SHISA9: variants seen among roughly 807,000 people sequenced by gnomAD.
SHISA9 encodes shisa family member 9, also known as protein shisa-9.
SHISA9 carries 13 observed loss-of-function variants against 38.0 expected under a neutral mutation model. The observed-to-expected ratio is 0.34, with a 90% CI of 0.22 to 0.54. The LOEUF is 0.54. SHISA9 is among the 20% of genes least tolerant of loss of function. The pLI is 0.91. For missense variants in SHISA9, 538 were observed against 575.8 expected, an observed-to-expected ratio of 0.93 and a Z score of 0.67; for synonymous variants, 275 against 242.0, an observed-to-expected ratio of 1.14 and a Z score of -1.27.
the SHISA9 span, among the ~76,000 whole-genome samples, chr16:13,314,221 A>AT: frequency 7.8e-4 from 114 of 146,940 alleles, no homozygotes; most frequent in East Asian, 2.2e-3. Flanking sequence ...TTATTTTTTT[A>AT]TTTTTTTTTG....
rs778289555 is a variant in SHISA9, at chr16:13,235,390, A to G, written c.1256A>G (p.Lys419Arg). Residue 419 changes from lysine to arginine, a missense_variant, in exon 5 of 5, where the codon AAA becomes AGA. Lys to Arg is a conservative substitution (Grantham distance 26, BLOSUM62 2). Coordinates refer to ENST00000558583, the MANE Select transcript of SHISA9 (RefSeq NM_001145204.3). ...CAGCCATACTTCATCACCAACAGCAAAACAGAAGTGACTGTCTGAGCTTTC... is the reference window on the plus strand; with the variant it reads ...CAGCCATACTTCATCACCAACAGCAGAACAGAAGTGACTGTCTGAGCTTTC... ...PPQPYFITNS[K>R]TEVTV is the part of the protein sequence containing the mutation. The G allele has an allele frequency of 3.9e-6, 6 of 1,537,922 alleles. No individual in the cohort carries two copies. The highest frequency in any genetic ancestry group is 5.2e-6 in the Non-Finnish European group (6 of 1,146,494).
At chr16:13,146,900 A>C (rs929129085) in intron 2 of SHISA9, among the ~76,000 whole-genome samples, 13 of 152,188 alleles carry the variant, frequency 8.5e-5, no homozygotes, top group Non-Finnish European at 1.9e-4. Flanking sequence ...ATTTCAGTCA[A>C]TTTTAGTTTA....
chr16:12,913,329 C>A (rs959265556), intron 1 of SHISA9, among the ~76,000 whole-genome samples: 2 of 151,896 alleles, frequency 1.3e-5, no homozygotes, highest in Admixed American at 6.6e-5. Flanking sequence ...CCTGAGTAGC[C>A]GGGATTACAG....
Position 13,207,564 on chromosome 16 carries a change from A to G in SHISA9, c.847+4015A>G, listed in dbSNP as rs551217397. 1.3e-3 allele frequency among the ~76,000 whole-genome samples: 197 copies of G among 151,962 alleles called. 1 individual carries two copies. Among genetic ancestry groups the G allele is most frequent in the African/African-American group, 4.6e-3 (191 of 41,286 alleles). ...CACGTGGGACACCTTCCCCAGTCCT[A>G]GATGGGGTTGATGTACCCCCTCCTG... On this transcript the variant is annotated intron_variant, in intron 3 of 4. Transcript: ENST00000558583.
intron 2 of SHISA9, among the ~76,000 whole-genome samples, chr16:12,928,873 C>G (rs961180753): frequency 6.6e-6 from 1 of 152,170 alleles, no homozygotes; most frequent in Non-Finnish European, 1.5e-5. Flanking sequence ...CTGACAAAGA[C>G]GTTGCATAAG....
chr16:13,037,617 C>A (rs557528581), intron 2 of SHISA9, among the ~76,000 whole-genome samples: 2 of 152,208 alleles, frequency 1.3e-5, no homozygotes, highest in African/African-American at 4.8e-5. Context: ...GGGGCCCTTG[C>A]CTGCGAGTAC....
the SHISA9 span, chr16:13,246,376 G>A: frequency 6.6e-6 from 1 of 152,148 alleles, no homozygotes; most frequent in Non-Finnish European, 1.5e-5. Flanking sequence ...GAGGCCTCCC[G>A]AGCCACGTGG....
chr16:13,380,777 C>T, the SHISA9 span, among the ~76,000 whole-genome samples: 1 of 151,898 alleles, frequency 6.6e-6, no homozygotes, highest in African/African-American at 2.4e-5. Context: ...ACCCATCAAC[C>T]CTTCACTTTC....
At chr16:13,407,405 C>T in the SHISA9 span, among the ~76,000 whole-genome samples, 10 of 152,046 alleles carry the variant, frequency 6.6e-5, no homozygotes, top group Admixed American at 1.3e-4. Context: ...TTTTTAAGGG[C>T]GGTAATCTCA....
chr16:13,297,488 G>A, the SHISA9 span, among the ~76,000 whole-genome samples: 1 of 152,182 alleles, frequency 6.6e-6, no homozygotes, highest in South Asian at 2.1e-4. Context: ...GCCTGGGGTT[G>A]AGACAGTTGC....
intron 2 of SHISA9, among the ~76,000 whole-genome samples, chr16:13,006,447 T>C (rs1234703052): frequency 2.0e-5 from 3 of 152,160 alleles, no homozygotes; most frequent in Non-Finnish European, 4.4e-5. Flanking sequence ...AACTTGTGAC[T>C]GAGGACAAAG....
chr16:13,416,134 A>G, the SHISA9 span, among the ~76,000 whole-genome samples: 1 of 152,226 alleles, frequency 6.6e-6, no homozygotes, highest in Non-Finnish European at 1.5e-5. Context: ...TACATGAAAA[A>G]AAACCTCAAA....
rs76685234 is a variant in SHISA9, at chr16:13,015,546, A to G, written c.691+98731A>G. ...CCAACAAACTGAAAACAAACTAAAT[A>G]TATTTTTACCCCTCATTTTTGAACC... On this transcript the variant is annotated intron_variant, in intron 2 of 4. Coordinates refer to ENST00000558583, the MANE Select transcript of SHISA9 (RefSeq NM_001145204.3). Among the ~76,000 whole-genome samples, 551 of 152,292 alleles carry G rather than the reference A, an allele frequency of 3.6e-3. 2 individuals carry two copies. The highest frequency in any genetic ancestry group is 0.013 in the African/African-American group (531 of 41,562).
chr16:13,159,755 C>T (rs1293442067), intron 2 of SHISA9, among the ~76,000 whole-genome samples: 1 of 152,220 alleles, frequency 6.6e-6, no homozygotes, highest in Non-Finnish European at 1.5e-5. Flanking sequence ...TGCCCATTCT[C>T]TAAGGCCGAG....
intron 2 of SHISA9, among the ~76,000 whole-genome samples, chr16:13,073,124 C>T (rs973857455): frequency 6.6e-6 from 1 of 152,052 alleles, no homozygotes; most frequent in African/African-American, 2.4e-5. Flanking sequence ...GAAACTGAGG[C>T]TCTGAGGGAT....
At chr16:13,032,167 C>G (rs1377501207) in intron 2 of SHISA9, among the ~76,000 whole-genome samples, 1 of 152,090 alleles carries the variant, frequency 6.6e-6, no homozygotes, top group Non-Finnish European at 1.5e-5. Context: ...AATGCTTTCC[C>G]TCCTCTTGCC....
At chr16:13,413,462 A>C in the SHISA9 span, among the ~76,000 whole-genome samples, 2 of 152,074 alleles carry the variant, frequency 1.3e-5, no homozygotes, top group African/African-American at 2.4e-5. Flanking sequence ...TTCTAGGTAA[A>C]TTTGCAGTGT....
the SHISA9 span, among the ~76,000 whole-genome samples, chr16:13,382,714 C>T: frequency 5.6e-4 from 84 of 151,250 alleles, 1 homozygote; most frequent in Non-Finnish European, 8.8e-5. Flanking sequence ...AAAAATTAGC[C>T]GGGTGTTGTG....
the SHISA9 span, among the ~76,000 whole-genome samples, chr16:13,366,615 A>G: frequency 6.6e-6 from 1 of 151,722 alleles, no homozygotes; most frequent in African/African-American, 2.4e-5. Flanking sequence ...GGCTGAAGCA[A>G]GAGGATTGCT....
Sources: allele counts gnomAD v4.1 joint callset (sites outside exome capture counted in the v4.1 genomes callset), GRCh38; gene constraint gnomAD v4.1.1; transcripts MANE v1.5; gene names NCBI Gene and HGNC (gene_info 2026-07-23, HGNC 2026-07-21).